COL4A2: variants seen among roughly 807,000 people sequenced by gnomAD.
The protein encoded by COL4A2 is collagen alpha-2(IV) chain.
Under a neutral mutation model 200.2 loss-of-function variants are expected in COL4A2, and 99 were observed. That is an observed-to-expected ratio of 0.49 (90% CI 0.42 to 0.58). The LOEUF is 0.58. COL4A2 is among the 20% of genes least tolerant of loss of function. The pLI, the probability that COL4A2 is intolerant of heterozygous loss-of-function variation, is 0.00. For missense variants in COL4A2, 1,950 were observed against 2,314.1 expected (o/e 0.84, Z 3.23); for synonymous variants, 897 against 900.6 (o/e 1.00, Z 0.07).
intron 10 of COL4A2, among the ~76,000 whole-genome samples, chr13:110,431,195 C>T (rs1408836041): frequency 3.3e-5 from 5 of 152,180 alleles, no homozygotes; most frequent in Non-Finnish European, 5.9e-5. Context: ...TCGCTCATTC[C>T]CCACATATGT....
intron 3 of COL4A2, among the ~76,000 whole-genome samples, chr13:110,326,112 C>G (rs1028063389): frequency 6.6e-6 from 1 of 152,136 alleles, no homozygotes; most frequent in Admixed American, 6.5e-5. Context: ...GTCATTTGCT[C>G]AGAACCCAGA....
At chr13:110,397,156 G>A (rs1386384409) in intron 4 of COL4A2, among the ~76,000 whole-genome samples, 1 of 152,192 alleles carries the variant, frequency 6.6e-6, no homozygotes, top group Non-Finnish European at 1.5e-5. Context: ...ACCTCCTCTG[G>A]CCGACTGTTT....
intron 4 of COL4A2, among the ~76,000 whole-genome samples, chr13:110,382,336 GAA>G (rs1342783123): frequency 6.6e-6 from 1 of 152,104 alleles, no homozygotes; most frequent in African/African-American, 2.4e-5. Context: ...AGACTTAGGG[GAA>G]AAAACAAGAC....
In COL4A2 at chr13:110,385,859, T is replaced by TACA. The variant is rs1462952379; in HGVS notation, c.180+28307_180+28308insACA. On this transcript the variant is annotated intron_variant, in intron 4 of 47. Coordinates refer to ENST00000360467, the MANE Select transcript of COL4A2 (RefSeq NM_001846.4). ...TTACAGTGTGTGGATAGGCCGTGGT[T>TACA]GCAGCGTGTGGATGGGCCGTGGTTA... is the stretch of plus-strand genomic sequence containing the variant. 3.2e-4 allele frequency among the ~76,000 whole-genome samples: 44 copies of TACA among 135,964 alleles called. 1 individual carries two copies. The highest frequency in any genetic ancestry group is 2.5e-3 in the East Asian group (12 of 4,740). 89.2% of individuals were successfully genotyped at this position (135,964 alleles called of 152,430 possible).
chr13:110,332,397 A>T (rs1434747251), intron 3 of COL4A2, among the ~76,000 whole-genome samples: 46 of 152,194 alleles, frequency 3.0e-4, no homozygotes, highest in Admixed American at 3.0e-3. Context: ...ATCTTTAGTT[A>T]GGTTTCGGTC....
chr13:110,355,454 G>A (rs1356094739), intron 3 of COL4A2, among the ~76,000 whole-genome samples: 1 of 123,054 alleles, frequency 8.1e-6, no homozygotes, highest in African/African-American at 3.3e-5. Context: ...GTGTGTGTGG[G>A]GGAGGGCTGC....
At chr13:110,394,538 C>G (rs1879120056) in intron 4 of COL4A2, among the ~76,000 whole-genome samples, 1 of 152,232 alleles carries the variant, frequency 6.6e-6, no homozygotes. Context: ...GACCCGTACC[C>G]CAGTTGTGTT....
chr13:110,484,019 T>C (rs1286027341), intron 32 of COL4A2, among the ~76,000 whole-genome samples: 3 of 149,024 alleles, frequency 2.0e-5, no homozygotes, highest in African/African-American at 7.8e-5. Context: ...AGGGTGCTCA[T>C]TTTTTTTAAG....
intron 3 of COL4A2, among the ~76,000 whole-genome samples, chr13:110,353,977 A>G (rs375178297): frequency 4.5e-4 from 69 of 152,232 alleles, no homozygotes; most frequent in African/African-American, 1.6e-3. Flanking sequence ...AGAATGCATC[A>G]TTCATTTTTG....
chr13:110,486,690 AAG>A (rs781644256), intron 34 of COL4A2, among the ~76,000 whole-genome samples: 8 of 152,276 alleles, frequency 5.3e-5, no homozygotes, highest in East Asian at 1.9e-4. Flanking sequence ...TGAGTCTGAA[AAG>A]AGAGTCAGCG....
intron 20 of COL4A2, among the ~76,000 whole-genome samples, chr13:110,451,338 CT>C (rs1881532049): frequency 6.6e-6 from 1 of 152,228 alleles, no homozygotes; most frequent in African/African-American, 2.4e-5. Flanking sequence ...AATTCATAAG[CT>C]TTTTAAAAAC....
intron 30 of COL4A2, among the ~76,000 whole-genome samples, chr13:110,479,359 T>TG (rs1882811864): frequency 6.6e-6 from 1 of 152,184 alleles, no homozygotes. Flanking sequence ...GACAGGCAGG[T>TG]CAGAGCAAGC....
chr13:110,443,884 CAG>C (rs1463403480), intron 16 of COL4A2, among the ~76,000 whole-genome samples: 3 of 152,196 alleles, frequency 2.0e-5, no homozygotes, highest in Non-Finnish European at 2.9e-5. Flanking sequence ...CACTGAGAAA[CAG>C]AGAGGAAAAA....
chr13:110,328,255 AC>A (rs1875728310), intron 3 of COL4A2: 1 of 152,244 alleles, frequency 6.6e-6, no homozygotes, highest in African/African-American at 2.4e-5. Flanking sequence ...CTGTCGGAGG[AC>A]CATGAGTTCC....
chr13:110,429,972 A>T lies in COL4A2; in HGVS notation c.549+16A>T, dbSNP rs566420092. 8.8e-6 allele frequency: 14 copies of T among 1,582,516 alleles called. No individual in the cohort carries two copies. In the East Asian group the frequency reaches 2.8e-4, roughly 31 times the overall value. ...CAGATATCGGGTACGTTTGCAAGAG[A>T]TGGGAGGGGTAATGAAGGGACCCAG... On this transcript the variant is annotated intron_variant, in intron 8 of 47. Transcript: ENST00000360467.
chr13:110,496,359 C>T (rs892517420), intron 40 of COL4A2, among the ~76,000 whole-genome samples: 1 of 152,238 alleles, frequency 6.6e-6, no homozygotes, highest in Non-Finnish European at 1.5e-5. Context: ...TGCCTGCCCT[C>T]TCCCCTCACC....
chr13:110,428,325 A>G (rs895711160), intron 6 of COL4A2, 142 bp from the exon 7 acceptor site: 4 of 604,640 alleles, frequency 6.6e-6, no homozygotes, highest in Non-Finnish European at 1.2e-5. Flanking sequence ...TCATTCATTC[A>G]TTTGTTCACT....
chr13:110,415,613 T>C (rs1420243723), intron 4 of COL4A2, among the ~76,000 whole-genome samples: 1 of 152,224 alleles, frequency 6.6e-6, no homozygotes, highest in Non-Finnish European at 1.5e-5. Flanking sequence ...AATGCTAACT[T>C]AAAGAATTTT....
intron 9 of COL4A2, 22 bp downstream of exon 9, chr13:110,430,458 G>T (rs367972578): frequency 2.5e-6 from 4 of 1,614,102 alleles, no homozygotes; most frequent in Non-Finnish European, 3.4e-6. Flanking sequence ...TTTATTGGAC[G>T]ATATTCCAAA....
Sources: allele counts gnomAD v4.1 joint callset (sites outside exome capture counted in the v4.1 genomes callset), GRCh38; gene constraint gnomAD v4.1.1; transcripts MANE v1.5; gene names NCBI Gene and HGNC (gene_info 2026-07-23, HGNC 2026-07-21).